The following LGR4 variants were observed in gnomAD, a reference collection of about 807,000 sequenced individuals.
LGR4 encodes the protein leucine-rich repeat-containing G protein-coupled receptor 4.
In LGR4, 44 loss-of-function variants were observed where a neutral mutation model predicts 84.8. The observed-to-expected ratio is 0.52, with a 90% CI of 0.41 to 0.67. LGR4 has a LOEUF of 0.67. LGR4 is among the 30% of genes least tolerant of loss of function. The pLI is 0.00. For missense variants in LGR4, 1,032 were observed against 1,131.4 expected, an observed-to-expected ratio of 0.91 and a Z score of 1.26; for synonymous variants, 429 against 434.3, an observed-to-expected ratio of 0.99 and a Z score of 0.15.
chr11:27,414,278 G>A (rs1863769991), intron 1 of LGR4, among the ~76,000 whole-genome samples: 1 of 151,962 alleles, frequency 6.6e-6, no homozygotes, highest in Admixed American at 6.6e-5. Flanking sequence ...TAGCCAAGAT[G>A]TAAAACAAAT....
intron 1 of LGR4, among the ~76,000 whole-genome samples, chr11:27,461,565 AT>A (rs1864681755): frequency 1.3e-5 from 2 of 152,142 alleles, no homozygotes; most frequent in East Asian, 3.9e-4. Flanking sequence ...GCAGCCTAGG[AT>A]GGCTTTGAAT....
At chr11:27,393,731 A>T (rs191735373) in intron 2 of LGR4, among the ~76,000 whole-genome samples, 4 of 152,118 alleles carry the variant, frequency 2.6e-5, no homozygotes, top group Admixed American at 2.6e-4. Flanking sequence ...CCCCACTTCT[A>T]ATCTGTTCTA....
chr11:27,376,799 C>G (rs570413519), intron 12 of LGR4, among the ~76,000 whole-genome samples: 1 of 152,130 alleles, frequency 6.6e-6, no homozygotes, highest in Non-Finnish European at 1.5e-5. Flanking sequence ...AATGCCTCCC[C>G]CTTCCCATCT....
At chr11:27,450,443 G>T (rs904290407) in intron 1 of LGR4, among the ~76,000 whole-genome samples, 6 of 152,096 alleles carry the variant, frequency 3.9e-5, no homozygotes, top group Non-Finnish European at 5.9e-5. Flanking sequence ...GAAATGAAAC[G>T]GAACTTCCCA....
intron 2 of LGR4, among the ~76,000 whole-genome samples, chr11:27,409,125 G>GC (rs1863664223): frequency 6.6e-6 from 1 of 152,084 alleles, no homozygotes; most frequent in Non-Finnish European, 1.5e-5. Context: ...AAAACAAATG[G>GC]CAACAATAGT....
At chr11:27,458,827 C>T (rs1476228324) in intron 1 of LGR4, among the ~76,000 whole-genome samples, 1 of 152,146 alleles carries the variant, frequency 6.6e-6, no homozygotes, top group Non-Finnish European at 1.5e-5. Flanking sequence ...GCATGAGTTA[C>T]CATGCCGGGC....
intron 1 of LGR4, among the ~76,000 whole-genome samples, chr11:27,437,313 A>G (rs1864229309): frequency 6.6e-6 from 1 of 152,062 alleles, no homozygotes. Flanking sequence ...TTTTTTATAA[A>G]TTGCTGTTTT....
chr11:27,433,810 C>G (rs1864159415), intron 1 of LGR4, among the ~76,000 whole-genome samples: 1 of 152,178 alleles, frequency 6.6e-6, no homozygotes, highest in South Asian at 2.1e-4. Context: ...TAAAAAGGGA[C>G]TTAAAAATGG....
At chr11:27,445,005 C>T (rs1048791151) in intron 1 of LGR4, among the ~76,000 whole-genome samples, 1 of 152,120 alleles carries the variant, frequency 6.6e-6, no homozygotes, top group African/African-American at 2.4e-5. Context: ...GGAATGTGCT[C>T]CACTATTCTC....
chr11:27,415,720 G>A (rs1297420789), intron 1 of LGR4, among the ~76,000 whole-genome samples: 2 of 152,092 alleles, frequency 1.3e-5, no homozygotes, highest in African/African-American at 4.8e-5. Context: ...CATTTATGAA[G>A]TAAAAAGTTG....
chr11:27,458,625 G>A (rs1247011594), intron 1 of LGR4, among the ~76,000 whole-genome samples: 1 of 151,400 alleles, frequency 6.6e-6, no homozygotes, highest in African/African-American at 2.4e-5. Flanking sequence ...TACAACCTTT[G>A]CCTCCCGGGT....
At position 27,373,999 on chromosome 11, in the gene LGR4, G is replaced by C. The variant is rs768951554; in HGVS notation, c.1229C>G (p.Ala410Gly). 6.2e-7 allele frequency: 1 copy of C among 1,611,592 alleles called. No homozygotes were observed. Among genetic ancestry groups the C allele is most frequent in the East Asian group, 2.2e-5 (1 of 44,816 alleles). Reference sequence around the variant, plus strand: ...CAGGTTAGTTATTGGCCCAAGTGTGGCAAAAGCTCTACTGTGAATTTCATG... The same window carrying C: ...CAGGTTAGTTATTGGCCCAAGTGTGCCAAAAGCTCTACTGTGAATTTCATG... The part of the protein sequence containing the change: ...LIHEIHSRAF[A>G]TLGPITNLDV... Residue 410 changes from alanine to glycine, a missense_variant, in exon 14 of 18, where the codon GCC (alanine) becomes GGC (glycine). Coordinates refer to ENST00000379214, the MANE Select transcript of LGR4 (RefSeq NM_018490.5).
intron 1 of LGR4, among the ~76,000 whole-genome samples, chr11:27,417,504 T>C (rs570043866): frequency 6.6e-6 from 1 of 152,266 alleles, no homozygotes; most frequent in East Asian, 1.9e-4. Flanking sequence ...AGGGAAGGTC[T>C]CTCTCAACCA....
rs140395327 is a variant in LGR4 at position 27,376,360 on chromosome 11, G to A, written c.1120C>T (p.Arg374Cys). The change falls in exon 13 of 18, where the codon CGT becomes TGT. Residue 374 changes from arginine to cysteine, a missense_variant. Arg to Cys is a radical substitution (Grantham distance 180). Transcript: ENST00000379214. ...CHALEEISLQRNQIYQIKEGT... is the reference protein window; with the variant it reads ...CHALEEISLQCNQIYQIKEGT... ...TCCTTTATTTGGTAGATTTGATTAC[G>A]CTGTAAAGAACTAAATAAAAAAAGA... The A allele has an allele frequency of 3.8e-5, 59 of 1,536,652 alleles. No individual in the cohort carries two copies. In the African/African-American group the frequency reaches 5.1e-4, roughly 13 times the overall value.
intron 2 of LGR4, among the ~76,000 whole-genome samples, chr11:27,404,193 GTT>G (rs754385586): frequency 4.6e-5 from 7 of 152,134 alleles, no homozygotes; most frequent in Non-Finnish European, 8.8e-5. Flanking sequence ...GCAAACCATG[GTT>G]TCATTTGCCT....
At chr11:27,396,304 T>C (rs1863391211) in intron 2 of LGR4, among the ~76,000 whole-genome samples, 1 of 152,174 alleles carries the variant, frequency 6.6e-6, no homozygotes, top group South Asian at 2.1e-4. Flanking sequence ...TCAATAGATG[T>C]CACCTAGCAG....
chr11:27,466,237 G>T (rs537199942), intron 1 of LGR4, among the ~76,000 whole-genome samples: 7 of 152,112 alleles, frequency 4.6e-5, no homozygotes, highest in Non-Finnish European at 1.0e-4. Context: ...TACTTTTATA[G>T]ATATTTATCT....
At chr11:27,396,538 T>TA (rs1284828122) in intron 2 of LGR4, among the ~76,000 whole-genome samples, 2 of 152,176 alleles carry the variant, frequency 1.3e-5, no homozygotes, top group African/African-American at 4.8e-5. Flanking sequence ...TTATTATTAT[T>TA]TTTTTTATTT....
chr11:27,397,475 C>T (rs1863412724), intron 2 of LGR4, among the ~76,000 whole-genome samples: 1 of 152,148 alleles, frequency 6.6e-6, no homozygotes, highest in Admixed American at 6.5e-5. Context: ...TTGGTATTTG[C>T]TATAATGTCT....
Sources: allele counts gnomAD v4.1 joint callset (sites outside exome capture counted in the v4.1 genomes callset), GRCh38; gene constraint gnomAD v4.1.1; transcripts MANE v1.5; gene names NCBI Gene and HGNC (gene_info 2026-07-23, HGNC 2026-07-21).